GRM7: variants seen among roughly 807,000 people sequenced by gnomAD.
GRM7 encodes the protein metabotropic glutamate receptor 7.
In GRM7, 35 loss-of-function variants were observed where a neutral mutation model predicts 84.5. The observed-to-expected ratio is 0.41, with a 90% CI of 0.32 to 0.55. The LOEUF (loss-of-function observed/expected upper bound fraction) is 0.55, where lower values mean the gene tolerates loss of function less well. Among genes scored for constraint, GRM7 ranks in the 20% least tolerant of loss-of-function variants. The pLI is 0.19. For synonymous variants in GRM7, 487 were observed against 455.1 expected, an observed-to-expected ratio of 1.07 and a Z score of -0.89; for missense variants, 1,003 against 1,194.6, an observed-to-expected ratio of 0.84 and a Z score of 2.36.
intron 4 of GRM7, among the ~76,000 whole-genome samples, chr3:7,407,567 T>A (rs1475111913): frequency 6.6e-6 from 1 of 152,220 alleles, no homozygotes; most frequent in Non-Finnish European, 1.5e-5. Context: ...CTGAAAATTT[T>A]AAAAATCATC....
At chr3:7,635,219 G>A (rs1241132478) in intron 8 of GRM7, among the ~76,000 whole-genome samples, 1 of 152,208 alleles carries the variant, frequency 6.6e-6, no homozygotes, top group African/African-American at 2.4e-5. Context: ...AAAGTAAGAG[G>A]AAGAAATGAG....
intron 2 of GRM7, among the ~76,000 whole-genome samples, chr3:7,189,272 G>T (rs557656128): frequency 3.7e-4 from 56 of 152,138 alleles, no homozygotes; most frequent in Non-Finnish European, 4.9e-4. Flanking sequence ...ACACACGCAC[G>T]TGAGAAAGCA....
At chr3:7,054,301 AATAT>A (rs1697130397) in intron 1 of GRM7, among the ~76,000 whole-genome samples, 1 of 149,316 alleles carries the variant, frequency 6.7e-6, no homozygotes, top group African/African-American at 2.4e-5. Context: ...ATAAGATTAA[AATAT>A]ATATCTTTTA....
intron 2 of GRM7, among the ~76,000 whole-genome samples, chr3:7,155,907 G>T (rs1574969926): frequency 6.6e-6 from 1 of 152,076 alleles, no homozygotes; most frequent in South Asian, 2.1e-4. Flanking sequence ...TATTCATATT[G>T]CTTGTTACTC....
Position 7,054,278 on chromosome 3 carries a change from TATATC to T in GRM7, c.520-92170_520-92166del, listed in dbSNP as rs578138153. 2.0e-5 allele frequency among the ~76,000 whole-genome samples: 3 copies of T among 149,538 alleles called. No homozygotes were observed. In the East Asian group the frequency reaches 5.9e-4, roughly 30 times the overall value. On this transcript the variant is annotated intron_variant, in intron 1 of 9. Coordinates refer to ENST00000357716, the MANE Select transcript of GRM7 (RefSeq NM_000844.4). ...TGATATATATGATATATGATATACA[TATATC>T]ATAAAAGATAAGATTAAAATATATA...
At chr3:7,296,866 C>T (rs966004787) in intron 2 of GRM7, among the ~76,000 whole-genome samples, 4 of 151,418 alleles carry the variant, frequency 2.6e-5, no homozygotes, top group African/African-American at 7.3e-5. Flanking sequence ...CCCGACTGGT[C>T]TCCAACTCGT....
At chr3:7,033,942 CA>C (rs1696283562) in intron 1 of GRM7, among the ~76,000 whole-genome samples, 1 of 152,076 alleles carries the variant, frequency 6.6e-6, no homozygotes, top group Non-Finnish European at 1.5e-5. Context: ...GTTACAGGTA[CA>C]ATAGAACATT....
intron 5 of GRM7, among the ~76,000 whole-genome samples, chr3:7,445,664 TA>T (rs1697474380): frequency 6.6e-6 from 1 of 152,204 alleles, no homozygotes. Flanking sequence ...CATAGGATTT[TA>T]CTCTGGGATT....
At chr3:7,517,342 T>C in intron 7 of GRM7, among the ~76,000 whole-genome samples, 1 of 147,574 alleles carries the variant, frequency 6.8e-6, no homozygotes, top group East Asian at 2.0e-4. Flanking sequence ...GATATTATTG[T>C]AATAATAACA....
chr3:7,052,226 G>T (rs1314900270), intron 1 of GRM7, among the ~76,000 whole-genome samples: 1 of 151,564 alleles, frequency 6.6e-6, no homozygotes, highest in African/African-American at 2.4e-5. Flanking sequence ...AAGATTCCAT[G>T]CTGGTAAAAA....
At chr3:7,418,246 T>A (rs1696254021) in intron 5 of GRM7, among the ~76,000 whole-genome samples, 1 of 152,182 alleles carries the variant, frequency 6.6e-6, no homozygotes, top group South Asian at 2.1e-4. Flanking sequence ...ACATTCTTCC[T>A]CTTACCTTCC....
chr3:7,532,059 G>T (rs150170535), intron 7 of GRM7, among the ~76,000 whole-genome samples: 1 of 152,254 alleles, frequency 6.6e-6, no homozygotes, highest in East Asian at 1.9e-4. Context: ...ATGTTCATCA[G>T]GGATATTGGC....
intron 5 of GRM7, among the ~76,000 whole-genome samples, chr3:7,436,579 A>G (rs948375492): frequency 2.6e-5 from 4 of 152,202 alleles, no homozygotes; most frequent in African/African-American, 9.6e-5. Context: ...TTCATTATCA[A>G]AAGATACGGG....
chr3:7,431,171 A>G (rs1215007788), intron 5 of GRM7, among the ~76,000 whole-genome samples: 2 of 152,042 alleles, frequency 1.3e-5, no homozygotes, highest in African/African-American at 4.8e-5. Context: ...TGTGCATCAA[A>G]AAGAAAGTGA....
chr3:6,918,142 A>G (rs1697005461), intron 1 of GRM7, among the ~76,000 whole-genome samples: 1 of 152,212 alleles, frequency 6.6e-6, no homozygotes, highest in Non-Finnish European at 1.5e-5. Flanking sequence ...AGTCCTGTCA[A>G]CAGTATTTTA....
At chr3:7,100,370 A>C (rs915831660) in intron 1 of GRM7, among the ~76,000 whole-genome samples, 3 of 151,692 alleles carry the variant, frequency 2.0e-5, no homozygotes, top group African/African-American at 7.3e-5. Flanking sequence ...AGTTTTAAAG[A>C]GCTTGATGCA....
Position 7,578,514 on chromosome 3 carries a change from G to A in GRM7, c.1608G>A (p.Gln536=). The change falls in exon 8 of 10, where the codon CAG becomes CAA. Residue 536 remains glutamine (Q), a synonymous_variant. Transcript: ENST00000357716. Reference sequence around the variant, plus strand: ...AGCCAGGACAGAGAAAGAAGACACAGAAAGGAACTCCTTGCTGTTGGACCT... The same window carrying A: ...AGCCAGGACAGAGAAAGAAGACACAAAAAGGAACTCCTTGCTGTTGGACCT... ...PCKPGQRKKT[Q]KGTPCCWTCE... The A allele has an allele frequency of 6.2e-7, 1 of 1,614,042 alleles. No homozygotes were observed. Among genetic ancestry groups the A allele is most frequent in the East Asian group, 2.2e-5 (1 of 44,868 alleles).
chr3:7,081,276 C>CT (rs1166494029), intron 1 of GRM7, among the ~76,000 whole-genome samples: 7 of 152,192 alleles, frequency 4.6e-5, no homozygotes, highest in African/African-American at 1.7e-4. Flanking sequence ...GTGCTCACTT[C>CT]ATGTCTCTAT....
chr3:7,081,057 C>T (rs557037674), intron 1 of GRM7, among the ~76,000 whole-genome samples: 19 of 152,110 alleles, frequency 1.2e-4, no homozygotes, highest in African/African-American at 4.3e-4. Context: ...TGTAGCTTCT[C>T]CCCCCTTGTT....
Sources: gnomAD v4.1 joint callset for allele counts (sites outside exome capture counted in the v4.1 genomes callset) on GRCh38, gnomAD v4.1.1 for gene constraint, MANE v1.5 for transcripts, NCBI Gene and HGNC (gene_info 2026-07-23, HGNC 2026-07-21) for gene names.